The following GREB1L variants were observed in gnomAD, a reference collection of about 807,000 sequenced individuals.
GREB1L encodes the protein GREB1 like retinoic acid receptor coactivator.
A neutral mutation model predicts 200.8 loss-of-function variants in GREB1L; 17 were observed. That is an observed-to-expected ratio of 0.08 (90% CI 0.06 to 0.13). The LOEUF (loss-of-function observed/expected upper bound fraction) is 0.13. Among genes scored for constraint, GREB1L ranks in the 10% least tolerant of loss-of-function variants. The pLI is 1.00. For missense variants in GREB1L, 1,657 were observed against 2,367.7 expected (o/e 0.70, Z 6.23); for synonymous variants, 789 against 893.0 (o/e 0.88, Z 2.08).
At chr18:21,380,916 T>C (rs1017192279) in intron 2 of GREB1L, among the ~76,000 whole-genome samples, 3 of 151,288 alleles carry the variant, frequency 2.0e-5, no homozygotes, top group Middle Eastern at 3.5e-3. Flanking sequence ...CTGGCCAAGA[T>C]GGTGAAACCC....
chr18:21,409,191 C>T (rs969911772), intron 7 of GREB1L, among the ~76,000 whole-genome samples: 7 of 152,180 alleles, frequency 4.6e-5, no homozygotes, highest in Admixed American at 1.3e-4. Context: ...TACCATCCAG[C>T]GATAACAAGA....
Position 21,348,204 on chromosome 18 carries a change from G to A in GREB1L, c.-119-17823G>A, listed in dbSNP as rs555615419. ...TCGTGTTCCGCCCGCCTGAGCCTCCGAACGTGCTGGGATTACAGGCGTGAG... is the reference window on the plus strand; with the variant it reads ...TCGTGTTCCGCCCGCCTGAGCCTCCAAACGTGCTGGGATTACAGGCGTGAG... On this transcript the variant is annotated intron_variant, in intron 1 of 32. Transcript: ENST00000424526. 6.6e-5 allele frequency among the ~76,000 whole-genome samples: 10 copies of A among 151,552 alleles called. No homozygotes were observed. The South Asian group carries it at 8.4e-4, about 13-fold the overall frequency.
At chr18:21,407,447 T>G (rs1206593046) in intron 7 of GREB1L, among the ~76,000 whole-genome samples, 2 of 152,222 alleles carry the variant, frequency 1.3e-5, no homozygotes, top group Non-Finnish European at 2.9e-5. Flanking sequence ...TTGAATTAAT[T>G]TTTGTATAGT....
intron 7 of GREB1L, among the ~76,000 whole-genome samples, chr18:21,406,888 T>C (rs907546831): frequency 7.9e-5 from 12 of 151,128 alleles, no homozygotes; most frequent in African/African-American, 2.9e-4. Flanking sequence ...TTTTTTTTTT[T>C]TTTTGATACG....
chr18:21,490,937 C>T (rs1329645001), intron 19 of GREB1L, among the ~76,000 whole-genome samples: 1 of 152,130 alleles, frequency 6.6e-6, no homozygotes, highest in Admixed American at 6.5e-5. Context: ...TTGCCAGGCG[C>T]CCTACAGAAG....
At chr18:21,399,816 G>A (rs1180111179) in intron 5 of GREB1L, among the ~76,000 whole-genome samples, 2 of 152,128 alleles carry the variant, frequency 1.3e-5, no homozygotes, top group African/African-American at 4.8e-5. Flanking sequence ...AATAGTTGTT[G>A]ATTGAATCAT....
Position 21,268,554 on chromosome 18 carries a change from CACACACATATATATATATAT to C in GREB1L, c.-120+26163_-120+26182del, listed in dbSNP as rs1468038999. ...ACACACACACACACACACACACACA[CACACACATATATATATATAT>C]ATATATATATATATATATACATGTA... On this transcript the variant is annotated intron_variant, in intron 1 of 32. Transcript: ENST00000424526. Among the ~76,000 whole-genome samples, 268 of 96,832 alleles carry C rather than the reference CACACACATATATATATATAT, an allele frequency of 2.8e-3. 1 individual carries two copies. Among genetic ancestry groups the C allele is most frequent in the African/African-American group, 0.015 (256 of 17,320 alleles). 63.5% of individuals were successfully genotyped at this position (96,832 alleles called of 152,430 possible). A position where few individuals can be genotyped will look rare whatever the true frequency, so the allele number is the denominator to read the frequency against.
chr18:21,281,251 G>A (rs1219990769), intron 1 of GREB1L, among the ~76,000 whole-genome samples: 2 of 152,170 alleles, frequency 1.3e-5, no homozygotes, highest in Admixed American at 6.5e-5. Context: ...GTGGTTTATT[G>A]TGTAAAACTA....
chr18:21,446,897 C>G (rs1051655716), intron 11 of GREB1L, among the ~76,000 whole-genome samples: 1 of 152,154 alleles, frequency 6.6e-6, no homozygotes, highest in African/African-American at 2.4e-5. Context: ...ATTTCACAGT[C>G]AGAAAATCTT....
At chr18:21,283,462 A>G (rs2038304730) in intron 1 of GREB1L, among the ~76,000 whole-genome samples, 2 of 152,242 alleles carry the variant, frequency 1.3e-5, no homozygotes, top group African/African-American at 4.8e-5. Flanking sequence ...ATGCCTGTTT[A>G]TCCTAAATAA....
chr18:21,330,105 A>C (rs2039086386), intron 1 of GREB1L, among the ~76,000 whole-genome samples: 1 of 152,008 alleles, frequency 6.6e-6, no homozygotes, highest in African/African-American at 2.4e-5. Context: ...GGTCCTGGCT[A>C]TGGGTCAGCT....
chr18:21,407,381 G>T lies in GREB1L; in HGVS notation c.832+3387G>T, dbSNP rs1227455899. On this transcript the variant is annotated intron_variant, in intron 7 of 32. Transcript: ENST00000424526. ...AACTCAGGATCTTGAAAATTTCCAA[G>T]TATTTTTCTAAAGCCTTTATTGTTT... is the stretch of plus-strand genomic sequence containing the variant. Among the ~76,000 whole-genome samples, 9 of 152,284 alleles carry T rather than the reference G, an allele frequency of 5.9e-5. No individual in the cohort carries two copies. The East Asian group carries it at 7.7e-4, about 13-fold the overall frequency.
chr18:21,379,769 A>G (rs1288035127), intron 2 of GREB1L, among the ~76,000 whole-genome samples: 1 of 152,178 alleles, frequency 6.6e-6, no homozygotes, highest in Non-Finnish European at 1.5e-5. Flanking sequence ...TTCTCCTCCA[A>G]CCTTCCCCCT....
chr18:21,408,203 G>A (rs1241054776), intron 7 of GREB1L, among the ~76,000 whole-genome samples: 2 of 152,238 alleles, frequency 1.3e-5, no homozygotes, highest in South Asian at 2.1e-4. Context: ...CATATTGTAT[G>A]CATGTATCAA....
Position 21,438,975 on chromosome 18 carries a change from A to AG in GREB1L, c.833-546_833-545insG, listed in dbSNP as rs1555647784. Among the ~76,000 whole-genome samples, 38 of 145,054 alleles carry AG rather than the reference A, an allele frequency of 2.6e-4. 1 individual carries two copies. The highest frequency in any genetic ancestry group is 4.2e-4 in the South Asian group (2 of 4,738). ...GACTCTGTCTCAAAAAAAAAAAAAAAAAAAGAAAAGAAAAGAAAAGAAAGA... is the reference window on the plus strand; with the variant it reads ...GACTCTGTCTCAAAAAAAAAAAAAAAGAAAAGAAAAGAAAAGAAAAGAAAGA... On this transcript the variant is annotated intron_variant, in intron 7 of 32. Coordinates refer to ENST00000424526, the MANE Select transcript of GREB1L (RefSeq NM_001142966.3).
chr18:21,500,566 G>A lies in GREB1L; in HGVS notation c.3996G>A (p.Gln1332=), dbSNP rs1432509977. The change falls in exon 23 of 33, where the codon CAG becomes CAA. Residue 1332 remains glutamine (Q), a synonymous_variant. Coordinates refer to ENST00000424526, the MANE Select transcript of GREB1L (RefSeq NM_001142966.3). The part of the protein sequence containing the change: ...PQVGKTGSYL[Q]FLRILFRMLI... ...TGGGAAAGACGGGCTCCTATTTACA[G>A]TTCCTCAGGATCCTCTTCCGCATGC... The A allele has an allele frequency of 1.9e-6, 3 of 1,551,046 alleles. No homozygotes were observed. Among genetic ancestry groups the A allele is most frequent in the East Asian group, 4.9e-5 (2 of 40,906 alleles).
In GREB1L at chr18:21,515,532, A is replaced by G. The variant is rs778589125; in HGVS notation, c.5017A>G (p.Ser1673Gly). The G allele has an allele frequency of 1.6e-4, 255 of 1,551,664 alleles. No individual in the cohort carries two copies. The highest frequency in any genetic ancestry group is 2.0e-4 in the Non-Finnish European group (231 of 1,146,938). ...TGCAATCTTGGGCATACAGAAATGG[A>G]GCAGCAAGCTGACTTCTCAGAGCCT... ...HYAILGIQKW[S>G]SKLTSQSLKA... The change falls in exon 29 of 33, where the codon AGC becomes GGC. Residue 1673 changes from serine (S) to glycine (G), a missense_variant. Physicochemically the swap from Ser to Gly is moderately conservative, Grantham distance 56. This residue lies in a region of GREB1L where 151 missense variants were observed against 309.6 expected (regional missense o/e 0.49). Coordinates refer to ENST00000424526, the MANE Select transcript of GREB1L (RefSeq NM_001142966.3).
At chr18:21,320,489 C>A (rs552089596) in intron 1 of GREB1L, among the ~76,000 whole-genome samples, 1 of 152,070 alleles carries the variant, frequency 6.6e-6, no homozygotes, top group Non-Finnish European at 1.5e-5. Context: ...TTGGACCAGG[C>A]GTGATGGCTC....
At chr18:21,376,594 G>A (rs1479069157) in intron 2 of GREB1L, among the ~76,000 whole-genome samples, 10 of 151,412 alleles carry the variant, frequency 6.6e-5, no homozygotes, top group East Asian at 3.9e-4. Flanking sequence ...CACGAGGTCC[G>A]GAGATGGAGA....
Sources: allele counts gnomAD v4.1 joint callset (sites outside exome capture counted in the v4.1 genomes callset), GRCh38; gene constraint gnomAD v4.1.1; regional missense constraint gnomAD v4.1.1; transcripts MANE v1.5; gene names NCBI Gene and HGNC (gene_info 2026-07-23, HGNC 2026-07-21).